The following RGL1 variants were observed in gnomAD, a reference collection of about 807,000 sequenced individuals.
The protein encoded by RGL1 is ral guanine nucleotide dissociation stimulator like 1.
A neutral mutation model predicts 95.2 loss-of-function variants in RGL1; 24 were observed. The ratio of observed to expected loss-of-function variants is 0.25; its 90% CI spans 0.18 to 0.35. RGL1 has a LOEUF of 0.35. Ranked by LOEUF, RGL1 falls within the 10% of genes least tolerant of loss-of-function variation. The pLI, the probability that RGL1 is intolerant of heterozygous loss-of-function variation, is 1.00. For synonymous variants in RGL1, 329 were observed against 344.9 expected (o/e 0.95, Z 0.51); for missense variants, 715 against 936.3 (o/e 0.76, Z 3.08).
At chr1:183,732,204 C>T (rs1348507112) in intron 1 of RGL1, among the ~76,000 whole-genome samples, 2 of 151,962 alleles carry the variant, frequency 1.3e-5, no homozygotes, top group African/African-American at 2.4e-5. Context: ...GGTGTCAGAA[C>T]GCAAGATACA....
intron 1 of RGL1, among the ~76,000 whole-genome samples, chr1:183,668,300 C>A (rs1009041890): frequency 6.6e-6 from 1 of 152,030 alleles, no homozygotes; most frequent in East Asian, 1.9e-4. Flanking sequence ...CACTTCTGAA[C>A]GTTAATTTCA....
At position 183,900,150 on chromosome 1, in the gene RGL1, G is replaced by T. The variant is rs1365894003; in HGVS notation, c.1231G>T (p.Gly411Cys). The T allele has an allele frequency of 6.2e-7, 1 of 1,612,816 alleles. No individual in the cohort carries two copies. The highest frequency in any genetic ancestry group is 8.5e-7 in the Non-Finnish European group (1 of 1,179,088). The stretch of plus-strand genomic sequence containing the variant: ...CAGTTTTGCTTTGGATGCTCTTCAG[G>T]GTGTGATGCAGGGAACTGTGCCCTA... ...QRRLQLQKDMGVMQGTVPYLG... is the reference protein window; with the variant it reads ...QRRLQLQKDMCVMQGTVPYLG... The change falls in exon 11 of 18, where the codon GGT (glycine) becomes TGT (cysteine). Residue 411 changes from glycine (G) to cysteine (C), a missense_variant and splice_region_variant. Physicochemically the swap from Gly to Cys is radical, Grantham distance 159. Around this residue, in one of 3 missense-constraint regions of RGL1, gnomAD observed 4 missense variants for 22.0 expected, o/e 0.18. Transcript: ENST00000360851.
intron 1 of RGL1, among the ~76,000 whole-genome samples, chr1:183,706,901 T>G (rs889926343): frequency 2.6e-5 from 4 of 152,184 alleles, no homozygotes; most frequent in African/African-American, 4.8e-5. Flanking sequence ...GATTGGGAGA[T>G]GAACTGAAGG....
chr1:183,920,097 C>T (rs922297357), intron 16 of RGL1, among the ~76,000 whole-genome samples: 2 of 151,788 alleles, frequency 1.3e-5, no homozygotes, highest in Non-Finnish European at 2.9e-5. Flanking sequence ...TGCAATGGCA[C>T]GATCTCAGCT....
chr1:183,867,935 C>T (rs1184371120), intron 4 of RGL1, among the ~76,000 whole-genome samples: 2 of 152,132 alleles, frequency 1.3e-5, no homozygotes, highest in Non-Finnish European at 2.9e-5. Context: ...AGTTAGGTTC[C>T]ATGTAGTTTT....
chr1:183,805,291 A>G lies in RGL1; in HGVS notation c.-7A>G. The G allele has an allele frequency of 2.5e-6, 4 of 1,611,872 alleles. No individual in the cohort carries two copies. Among genetic ancestry groups the G allele is most frequent in the Non-Finnish European group, 3.4e-6 (4 of 1,179,584 alleles). On this transcript the variant is annotated 5_prime_UTR_variant, in exon 1 of 18. Transcript: ENST00000360851. ...GCAGCGTTCGCGCACCGGAGAGAAAACTGAGAATGAAATTGCTTTGGCAAG... is the reference window on the plus strand; with the variant it reads ...GCAGCGTTCGCGCACCGGAGAGAAAGCTGAGAATGAAATTGCTTTGGCAAG...
Position 183,652,208 on chromosome 1 carries a change from A to G in RGL1, c.-33+15707A>G, listed in dbSNP as rs191821901. On this transcript the variant is annotated intron_variant, in intron 1 of 18. Transcript: ENST00000304685. ...CAAAAGTCTTTGTGTGTTTTTAGAT[A>G]AAGGTAGCAAAATGGAAACTCCCTA... 2.5e-3 allele frequency among the ~76,000 whole-genome samples: 381 copies of G among 152,364 alleles called. 1 individual carries two copies. Among genetic ancestry groups the G allele is most frequent in the Middle Eastern group, 6.8e-3 (2 of 292 alleles).
intron 2 of RGL1, among the ~76,000 whole-genome samples, chr1:183,819,961 T>C (rs1045455305): frequency 1.3e-5 from 2 of 151,928 alleles, no homozygotes; most frequent in African/African-American, 4.8e-5. Context: ...ATTTTTAAAT[T>C]TTTTGTAGAG....
At chr1:183,862,973 TG>T (rs775532861) in intron 3 of RGL1, among the ~76,000 whole-genome samples, 5 of 152,102 alleles carry the variant, frequency 3.3e-5, no homozygotes, top group Non-Finnish European at 7.4e-5. Context: ...ATGTTACAGT[TG>T]GTTTGTATTT....
intron 1 of RGL1, among the ~76,000 whole-genome samples, chr1:183,706,440 C>T (rs1048836952): frequency 5.3e-5 from 8 of 152,296 alleles, no homozygotes; most frequent in Middle Eastern, 3.4e-3. Flanking sequence ...ATGGTAGTTG[C>T]CGGGGTGTCT....
chr1:183,775,542 G>A (rs76022136), intron 2 of RGL1, among the ~76,000 whole-genome samples: 2,321 of 152,300 alleles, frequency 0.015, 43 homozygotes, highest in East Asian at 0.088. Context: ...TGAGGATATA[G>A]GCAATGAAGA....
chr1:183,858,101 GT>G (rs939179354), intron 3 of RGL1, among the ~76,000 whole-genome samples: 25 of 149,686 alleles, frequency 1.7e-4, no homozygotes, highest in African/African-American at 9.8e-5. Context: ...TGCCCAGCAG[GT>G]TTTTTTTTTA....
Position 183,884,793 on chromosome 1 carries a change from A to G in RGL1, c.806A>G (p.Asn269Ser). 6.2e-7 allele frequency: 1 copy of G among 1,614,130 alleles called. No homozygotes were observed. Among genetic ancestry groups the G allele is most frequent in the Non-Finnish European group, 8.5e-7 (1 of 1,179,992 alleles). ...TGGTCTCGAAGGGATAAGAAGGAAAACAAACATTTGGCTCCTACGATCCGT... is the reference window on the plus strand; with the variant it reads ...TGGTCTCGAAGGGATAAGAAGGAAAGCAAACATTTGGCTCCTACGATCCGT... The part of the protein sequence containing the change: ...CIWSRRDKKE[N>S]KHLAPTIRAT... Residue 269 changes from asparagine to serine, a missense_variant, in exon 7 of 18, where the codon AAC (asparagine) becomes AGC (serine). Transcript: ENST00000360851.
At chr1:183,869,094 G>C (rs1212763549) in intron 4 of RGL1, among the ~76,000 whole-genome samples, 1 of 152,176 alleles carries the variant, frequency 6.6e-6, no homozygotes, top group African/African-American at 2.4e-5. Flanking sequence ...CTCCAGCCTG[G>C]GCAACAGAGT....
intron 2 of RGL1, among the ~76,000 whole-genome samples, chr1:183,763,557 A>T (rs1472283533): frequency 6.6e-6 from 1 of 152,160 alleles, no homozygotes; most frequent in Non-Finnish European, 1.5e-5. Flanking sequence ...TATTCACAGT[A>T]TCTGGCACAT....
intron 1 of RGL1, among the ~76,000 whole-genome samples, chr1:183,718,404 A>G (rs1213965580): frequency 6.6e-6 from 1 of 152,250 alleles, no homozygotes; most frequent in Non-Finnish European, 1.5e-5. Flanking sequence ...ACTAGAAATT[A>G]TATCATTTGC....
intron 2 of RGL1, chr1:183,742,350 TA>T (rs1240145466): frequency 6.3e-7 from 1 of 1,592,818 alleles, no homozygotes; most frequent in Admixed American, 1.7e-5. Flanking sequence ...CCTGAGACCA[TA>T]ATTCTTCGTG....
intron 17 of RGL1, 41 bp downstream of exon 17, chr1:183,922,377 A>T: frequency 6.8e-7 from 1 of 1,477,872 alleles, no homozygotes; most frequent in East Asian, 2.3e-5. Context: ...TTCCCAGGGC[A>T]GGTGGCTAGC....
Position 183,880,675 on chromosome 1 carries a change from C to G in RGL1, c.485C>G (p.Pro162Arg). 1 of 1,613,932 alleles carries G rather than the reference C, an allele frequency of 6.2e-7. No homozygotes were observed. The highest frequency in any genetic ancestry group is 1.1e-5 in the South Asian group (1 of 91,072). Residue 162 changes from proline (P) to arginine (R), a missense_variant, in exon 5 of 18, where the codon CCC becomes CGC. By Grantham distance (103) the Pro-to-Arg change is moderately radical. This residue lies in a region of RGL1 where 381 missense variants were observed against 484.8 expected (regional missense o/e 0.79). Transcript: ENST00000360851. ...CAGTGTGCAGAAGACTTCCGAGAGC[C>G]CCCTCACTTCCCTTGCTTACAGAAA... ...LDQCAEDFREPPHFPCLQKLL... is the reference protein window; with the variant it reads ...LDQCAEDFRERPHFPCLQKLL...
Sources: gnomAD v4.1 joint callset for allele counts (sites outside exome capture counted in the v4.1 genomes callset) on GRCh38, gnomAD v4.1.1 for gene constraint, gnomAD v4.1.1 regional missense constraint, MANE v1.5 for transcripts, NCBI Gene and HGNC (gene_info 2026-07-23, HGNC 2026-07-21) for gene names.